MECOM: variants seen among roughly 807,000 people sequenced by gnomAD.
The protein encoded by MECOM is MDS1 and EVI1 complex locus.
Under a neutral mutation model 116.3 loss-of-function variants are expected in MECOM, and 13 were observed. The ratio of observed to expected loss-of-function variants is 0.11; its 90% CI spans 0.07 to 0.18. MECOM has a LOEUF of 0.18. Among genes scored for constraint, MECOM ranks in the 10% least tolerant of loss-of-function variants. The pLI, the probability that MECOM is intolerant of heterozygous loss-of-function variation, is 1.00. For synonymous variants in MECOM, 528 were observed against 535.2 expected (o/e 0.99, Z 0.19); for missense variants, 1,299 against 1,509.0 (o/e 0.86, Z 2.31).
intron 2 of MECOM, among the ~76,000 whole-genome samples, chr3:169,192,174 T>A (rs1474374469): frequency 6.6e-6 from 1 of 152,066 alleles, no homozygotes; most frequent in Non-Finnish European, 1.5e-5. Flanking sequence ...TAAGAACTCA[T>A]ATTCTAACTT....
intron 2 of MECOM, among the ~76,000 whole-genome samples, chr3:169,266,838 T>G (rs1027095873): frequency 2.0e-5 from 3 of 151,638 alleles, no homozygotes; most frequent in Non-Finnish European, 4.4e-5. Flanking sequence ...TAAACCTTAC[T>G]AATAGATCCA....
At chr3:169,658,071 C>T (rs2110114546) in intron 1 of MECOM, among the ~76,000 whole-genome samples, 1 of 152,230 alleles carries the variant, frequency 6.6e-6, no homozygotes, top group African/African-American at 2.4e-5. Flanking sequence ...CCCTGGTAAA[C>T]TCTGAAGGCC....
chr3:169,223,363 C>T (rs960305582), intron 2 of MECOM, among the ~76,000 whole-genome samples: 33 of 143,084 alleles, frequency 2.3e-4, no homozygotes, highest in Admixed American at 1.1e-3. Context: ...TCAATTCCCA[C>T]CTATGAGTGA....
At chr3:169,171,880 A>C (rs1181055821) in intron 2 of MECOM, among the ~76,000 whole-genome samples, 1 of 152,120 alleles carries the variant, frequency 6.6e-6, no homozygotes, top group Non-Finnish European at 1.5e-5. Flanking sequence ...ACTCTAACAA[A>C]ATAGAAAGCT....
At chr3:169,147,354 C>T (rs1397145719) in intron 2 of MECOM, 3 of 985,404 alleles carry the variant, frequency 3.0e-6, no homozygotes, top group Non-Finnish European at 3.6e-6. Context: ...CAACTCCAAG[C>T]TCAGCCGCCG....
intron 2 of MECOM, among the ~76,000 whole-genome samples, chr3:169,284,263 GTA>G (rs112593582): frequency 0.047 from 7,149 of 152,250 alleles, 371 homozygotes; most frequent in East Asian, 0.13. Flanking sequence ...CATCTGGCAT[GTA>G]TAATTACCTT....
At chr3:169,281,280 T>C (rs917205576) in intron 2 of MECOM, among the ~76,000 whole-genome samples, 1 of 152,150 alleles carries the variant, frequency 6.6e-6, no homozygotes, top group Non-Finnish European at 1.5e-5. Context: ...AGAGGAAGTA[T>C]CTCTGGGTGT....
chr3:169,382,855 A>T (rs1439762449), intron 1 of MECOM, among the ~76,000 whole-genome samples: 11 of 109,392 alleles, frequency 1.0e-4, no homozygotes, highest in Middle Eastern at 3.7e-3. Flanking sequence ...ATCTCAAAAA[A>T]AAAAAAAAAT....
chr3:169,183,761 TACACACACACACAC>T (rs71166249), intron 2 of MECOM, among the ~76,000 whole-genome samples: 2,964 of 118,746 alleles, frequency 0.025, 76 homozygotes, highest in African/African-American at 0.035. Flanking sequence ...GATACATACA[TACACACACACACAC>T]ACACACACAC....
chr3:169,132,197 G>A (rs182698834), intron 3 of MECOM, among the ~76,000 whole-genome samples: 61 of 152,268 alleles, frequency 4.0e-4, no homozygotes, highest in Admixed American at 1.8e-3. Flanking sequence ...GGGTGGTGGG[G>A]GTGGTGCTTA....
chr3:169,148,149 T>G (rs1740471491), intron 2 of MECOM, among the ~76,000 whole-genome samples: 1 of 152,176 alleles, frequency 6.6e-6, no homozygotes, highest in African/African-American at 2.4e-5. Flanking sequence ...TCTGAAAAAT[T>G]ATTGGCATAT....
chr3:169,586,743 T>A (rs1162433004), intron 1 of MECOM, among the ~76,000 whole-genome samples: 1 of 152,232 alleles, frequency 6.6e-6, no homozygotes, highest in Non-Finnish European at 1.5e-5. Context: ...TTAATAGATC[T>A]CTATGTCTAC....
chr3:169,457,943 G>A (rs1372701837), intron 1 of MECOM, among the ~76,000 whole-genome samples: 1 of 152,176 alleles, frequency 6.6e-6, no homozygotes, highest in Non-Finnish European at 1.5e-5. Flanking sequence ...TGACACCACA[G>A]GTTTAATACT....
intron 1 of MECOM, among the ~76,000 whole-genome samples, chr3:169,522,840 G>A (rs1451854979): frequency 6.6e-6 from 1 of 152,236 alleles, no homozygotes; most frequent in Non-Finnish European, 1.5e-5. Context: ...GTGCTCTGAA[G>A]TAGTGAATGT....
chr3:169,207,842 T>C (rs1274588137), intron 2 of MECOM, among the ~76,000 whole-genome samples: 2 of 152,144 alleles, frequency 1.3e-5, no homozygotes, highest in African/African-American at 4.8e-5. Flanking sequence ...TTAACCAATA[T>C]TGGCAGTCCC....
chr3:169,295,328 C>G lies in MECOM; in HGVS notation c.375+85859G>C, dbSNP rs1560427. Among the ~76,000 whole-genome samples the G allele has an allele frequency of 6.8e-3, 1,043 of 152,302 alleles. 97 individuals carry two copies. The East Asian group carries it at 0.19, about 27-fold the overall frequency. On this transcript the variant is annotated intron_variant, in intron 2 of 16. Coordinates refer to ENST00000651503, the MANE Select transcript of MECOM (RefSeq NM_004991.4). ...CGTGACTCGAAGGATTTGCCACCAC[C>G]TGGTGGCAGCATACCCAAATTTCAA...
chr3:169,327,031 A>G (rs1176133464), intron 2 of MECOM, among the ~76,000 whole-genome samples: 7 of 152,222 alleles, frequency 4.6e-5, no homozygotes, highest in Admixed American at 1.3e-4. Context: ...CAACTCTTAG[A>G]TGACAAAAAT....
At chr3:169,485,557 G>C (rs1008811893) in intron 1 of MECOM, among the ~76,000 whole-genome samples, 1 of 151,938 alleles carries the variant, frequency 6.6e-6, no homozygotes, top group Admixed American at 6.6e-5. Context: ...GAGGTGAGAG[G>C]AAACTTGAAG....
chr3:169,158,948 G>A (rs927556839), intron 2 of MECOM, among the ~76,000 whole-genome samples: 1 of 152,018 alleles, frequency 6.6e-6, no homozygotes, highest in South Asian at 2.1e-4. Flanking sequence ...TTCAACTCTC[G>A]AATCACCCGT....
Sources: gnomAD v4.1 joint callset for allele counts (sites outside exome capture counted in the v4.1 genomes callset) on GRCh38, gnomAD v4.1.1 for gene constraint, MANE v1.5 for transcripts, NCBI Gene and HGNC (gene_info 2026-07-23, HGNC 2026-07-21) for gene names.